The following KLHL4 variants were observed in gnomAD, a reference collection of about 807,000 sequenced individuals.
KLHL4 encodes the protein kelch-like protein 4.
A neutral mutation model predicts 45.8 loss-of-function variants in KLHL4; 17 were observed. The ratio of observed to expected loss-of-function variants is 0.37; its 90% CI spans 0.25 to 0.56. KLHL4 has a LOEUF of 0.56. Among genes scored for constraint, KLHL4 ranks in the 20% least tolerant of loss-of-function variants. The pLI, the probability that KLHL4 is intolerant of heterozygous loss-of-function variation, is 0.79. For missense variants in KLHL4, 544 were observed against 544.9 expected (o/e 1.00, Z 0.02); for synonymous variants, 224 against 189.9 (o/e 1.18, Z -1.47).
intron 1 of KLHL4, among the ~76,000 whole-genome samples, chrX:87,576,748 G>C (rs1424271253): frequency 9.0e-6 from 1 of 111,093 alleles, no homozygotes; most frequent in Non-Finnish European, 1.9e-5. Context: ...ATGTCGAATT[G>C]ATCAATTGTA....
At chrX:87,656,902 A>G (rs1315369233) in intron 9 of KLHL4, among the ~76,000 whole-genome samples, 2 of 111,996 alleles carry the variant, frequency 1.8e-5, no homozygotes, top group Admixed American at 9.5e-5. Flanking sequence ...CCTATTTTGA[A>G]TAAGATCATT....
intron 9 of KLHL4, among the ~76,000 whole-genome samples, chrX:87,652,942 C>A (rs1352836771): frequency 8.9e-6 from 1 of 112,045 alleles, no homozygotes; most frequent in South Asian, 3.7e-4. Flanking sequence ...GCCGTGGAGG[C>A]CATGGCAGAA....
intron 1 of KLHL4, among the ~76,000 whole-genome samples, chrX:87,580,195 CT>C (rs942869722): frequency 9.1e-6 from 1 of 109,573 alleles, no homozygotes; most frequent in Non-Finnish European, 1.9e-5. Context: ...TTCATGTGAT[CT>C]CAAACAAAAT....
chrX:87,518,194 C>G lies in KLHL4; in HGVS notation c.301C>G (p.Gln101Glu), dbSNP rs762220488. The G allele has an allele frequency of 6.8e-5, 82 of 1,210,093 alleles. No individual in the cohort carries two copies. The highest frequency in any genetic ancestry group is 8.6e-5 in the Non-Finnish European group (77 of 895,115). Residue 101 changes from glutamine to glutamate, a missense_variant, in exon 1 of 11, where the codon CAA becomes GAA. Physicochemically the swap from Gln to Glu is conservative, Grantham distance 29. Coordinates refer to ENST00000373119, the MANE Select transcript of KLHL4 (RefSeq NM_019117.5). ...LQQHNLIVHF[Q>E]ANEDTPKSVP... ...GCAACATAATCTGATAGTACATTTT[C>G]AAGCAAATGAAGATACTCCTAAATC...
At chrX:87,648,742 C>T (rs1923717047) in intron 9 of KLHL4, among the ~76,000 whole-genome samples, 1 of 111,451 alleles carries the variant, frequency 9.0e-6, no homozygotes, top group Non-Finnish European at 1.9e-5. Context: ...ATCTGTAGCA[C>T]TTTAAAAACT....
rs1291185779 is a variant in KLHL4 at position 87,633,771 on chromosome X, A to G, written c.1572A>G (p.Pro524=). 4 of 1,197,280 alleles carry G rather than the reference A, an allele frequency of 3.3e-6. No homozygotes were observed. The Admixed American group carries it at 6.8e-5, about 20-fold the overall frequency. Residue 524 remains proline (P), a synonymous_variant, in exon 8 of 11, where the codon CCA becomes CCG. Coordinates refer to ENST00000373119, the MANE Select transcript of KLHL4 (RefSeq NM_019117.5). ...TAGGTGTAGCCACTCTTGAAGGACC[A>G]ATGTATGCTGTAGGTGGTCATGATG... The part of the protein sequence containing the change: ...HGLGVATLEG[P]MYAVGGHDGW...
chrX:87,635,585 G>A lies in KLHL4; in HGVS notation c.1735G>A (p.Asp579Asn). The A allele has an allele frequency of 8.3e-7, 1 of 1,209,863 alleles. No homozygotes were observed. Among genetic ancestry groups the A allele is most frequent in the Non-Finnish European group, 1.1e-6 (1 of 893,991 alleles). ...TAGATTATATGCTATTGGTGGACGT[G>A]ATGGAAGTTCCTGCCTCAAATCAAT... ...NNKLYAIGGRDGSSCLKSMEY... is the reference protein window; with the variant it reads ...NNKLYAIGGRNGSSCLKSMEY... The change falls in exon 9 of 11, where the codon GAT becomes AAT. Residue 579 changes from aspartate to asparagine, a missense_variant. Transcript: ENST00000373119.
Position 87,668,144 on chromosome X carries a change from C to T in KLHL4, c.*1610C>T, listed in dbSNP as rs1322727261. On this transcript the variant is annotated 3_prime_UTR_variant, in exon 11 of 11. Transcript: ENST00000373119. ...AGAGACATAGAGAGGCTGTGAAACA[C>T]ACATACAGCCCTGTTAGGTCTTTTG... is the stretch of plus-strand genomic sequence containing the variant. The T allele has an allele frequency of 1.2e-5, 9 of 746,036 alleles. No homozygotes were observed. In the Admixed American group the frequency reaches 7.0e-4, roughly 58 times the overall value. The allele number at this position is 746,036 out of a possible 1,213,427, so 61.5% of individuals were successfully genotyped here. A position where few individuals can be genotyped will look rare whatever the true frequency, so the allele number is the denominator to read the frequency against.
At chrX:87,601,722 C>G (rs1922024150) in intron 1 of KLHL4, among the ~76,000 whole-genome samples, 1 of 111,576 alleles carries the variant, frequency 9.0e-6, no homozygotes, top group Non-Finnish European at 1.9e-5. Flanking sequence ...GGGATCCTCT[C>G]CTGGCCTCAT....
At chrX:87,555,577 T>C (rs1457430858) in intron 1 of KLHL4, among the ~76,000 whole-genome samples, 6 of 108,101 alleles carry the variant, frequency 5.6e-5, no homozygotes, top group Non-Finnish European at 5.8e-5. Flanking sequence ...CCCTTTATCA[T>C]TTTTTATTGC....
chrX:87,555,265 A>G (rs1322144003), intron 1 of KLHL4, among the ~76,000 whole-genome samples: 4 of 108,414 alleles, frequency 3.7e-5, no homozygotes, highest in African/African-American at 1.0e-4. Context: ...CTCTTTTTCT[A>G]TTGATTGGAA....
chrX:87,560,152 C>A (rs1228122137), intron 1 of KLHL4, among the ~76,000 whole-genome samples: 1 of 111,319 alleles, frequency 9.0e-6, no homozygotes, highest in African/African-American at 3.3e-5. Context: ...GGTTTTAAAC[C>A]CTGTGACAAT....
chrX:87,645,934 T>A (rs1274898575), intron 9 of KLHL4, among the ~76,000 whole-genome samples: 1 of 111,057 alleles, frequency 9.0e-6, no homozygotes, highest in East Asian at 2.8e-4. Flanking sequence ...GATAAAAGAC[T>A]ACAAATATGG....
intron 1 of KLHL4, among the ~76,000 whole-genome samples, chrX:87,560,273 G>A (rs1677524004): frequency 1.8e-5 from 2 of 111,792 alleles, no homozygotes; most frequent in South Asian, 3.7e-4. Flanking sequence ...ACCCTTATCC[G>A]TGTAGCTATT....
At chrX:87,600,176 A>T (rs1921961895) in intron 1 of KLHL4, among the ~76,000 whole-genome samples, 1 of 110,872 alleles carries the variant, frequency 9.0e-6, no homozygotes, top group Non-Finnish European at 1.9e-5. Flanking sequence ...CTGAGTTCAC[A>T]GATCCGGTCA....
intron 8 of KLHL4, among the ~76,000 whole-genome samples, chrX:87,634,773 C>A (rs1308526700): frequency 1.8e-5 from 2 of 111,564 alleles, no homozygotes; most frequent in African/African-American, 6.5e-5. Context: ...CTATCCGTGG[C>A]CTCACCTGAA....
intron 1 of KLHL4, among the ~76,000 whole-genome samples, chrX:87,602,737 C>A (rs1027747956): frequency 5.4e-5 from 6 of 111,397 alleles, no homozygotes; most frequent in South Asian, 3.7e-4. Flanking sequence ...TATAGTGTAT[C>A]TTTGTATGTT....
intron 1 of KLHL4, among the ~76,000 whole-genome samples, chrX:87,585,488 T>A (rs1332104837): frequency 9.0e-6 from 1 of 111,342 alleles, no homozygotes; most frequent in African/African-American, 3.2e-5. Flanking sequence ...CTAAAACAGA[T>A]TTTTTTTATT....
chrX:87,611,552 C>G (rs186120714), intron 1 of KLHL4, among the ~76,000 whole-genome samples: 2 of 110,960 alleles, frequency 1.8e-5, no homozygotes, highest in African/African-American at 3.3e-5. Flanking sequence ...ATGGTGTAAA[C>G]AAACCTACTG....
Sources: gnomAD v4.1 joint callset for allele counts (sites outside exome capture counted in the v4.1 genomes callset) on GRCh38, gnomAD v4.1.1 for gene constraint, MANE v1.5 for transcripts, NCBI Gene and HGNC (gene_info 2026-07-23, HGNC 2026-07-21) for gene names.